The following ASPH variants were observed in gnomAD, a reference collection of about 807,000 sequenced individuals.
ASPH encodes the protein aspartate beta-hydroxylase.
In ASPH, 100 loss-of-function variants were observed where a neutral mutation model predicts 118.4. That is an observed-to-expected ratio of 0.84 (90% CI 0.72 to 1.00). The LOEUF is 1.00. ASPH is among the 50% of genes least tolerant of loss of function. The probability of loss-of-function intolerance (pLI) is 0.00; values close to 1 mark genes in which losing one functional copy is unlikely to be tolerated. For missense variants in ASPH, 920 were observed against 919.5 expected (o/e 1.00, Z -0.01); for synonymous variants, 315 against 325.6 (o/e 0.97, Z 0.35).
At chr8:61,511,870 C>G (rs1335047380) in intron 24 of ASPH, among the ~76,000 whole-genome samples, 1 of 152,152 alleles carries the variant, frequency 6.6e-6, no homozygotes, top group African/African-American at 2.4e-5. Flanking sequence ...TCCCAAAGTA[C>G]TGGGATTACA....
intron 3 of ASPH, chr8:61,663,141 T>G: frequency 1.0e-6 from 1 of 985,404 alleles, no homozygotes; most frequent in Non-Finnish European, 1.2e-6. Flanking sequence ...TTGAGAATCG[T>G]GTAACTTTCA....
At chr8:61,691,982 T>G (rs910992457) in intron 1 of ASPH, among the ~76,000 whole-genome samples, 1 of 152,208 alleles carries the variant, frequency 6.6e-6, no homozygotes, top group Non-Finnish European at 1.5e-5. Flanking sequence ...TGTCTACAGC[T>G]AAACGTCAAA....
At chr8:61,635,344 C>G (rs1213113008) in intron 12 of ASPH, among the ~76,000 whole-genome samples, 1 of 152,140 alleles carries the variant, frequency 6.6e-6, no homozygotes, top group Non-Finnish European at 1.5e-5. Context: ...TCTCCACTTG[C>G]TTCCAAAATG....
intron 3 of ASPH, chr8:61,656,258 T>G (rs1813625873): frequency 6.6e-6 from 1 of 152,194 alleles, no homozygotes; most frequent in African/African-American, 2.4e-5. Flanking sequence ...GTTACCAAAC[T>G]GCCAGCTTAT....
intron 16 of ASPH, among the ~76,000 whole-genome samples, chr8:61,571,327 T>A (rs1344263062): frequency 1.3e-5 from 2 of 152,200 alleles, no homozygotes; most frequent in Non-Finnish European, 2.9e-5. Context: ...CATCCTTAGT[T>A]ATATACTGGA....
At chr8:61,511,549 G>A (rs1341984111) in intron 24 of ASPH, among the ~76,000 whole-genome samples, 1 of 152,140 alleles carries the variant, frequency 6.6e-6, no homozygotes, top group Non-Finnish European at 1.5e-5. Context: ...ACTTGCTGGG[G>A]ACATGTTTAT....
At chr8:61,675,523 G>C in intron 3 of ASPH, 4 of 980,864 alleles carry the variant, frequency 4.1e-6, no homozygotes, top group Non-Finnish European at 4.8e-6. Context: ...ATTTTACATA[G>C]AAATTTGTAT....
chr8:61,665,373 TTGA>T, intron 3 of ASPH: 2 of 1,613,858 alleles, frequency 1.2e-6, no homozygotes, highest in Non-Finnish European at 1.7e-6. Context: ...TTCATATTTG[TTGA>T]TTTTTTCCTA....
chr8:61,537,350 G>T (rs1820012499), intron 21 of ASPH, among the ~76,000 whole-genome samples: 1 of 152,144 alleles, frequency 6.6e-6, no homozygotes, highest in Non-Finnish European at 1.5e-5. Flanking sequence ...TAAACAAATT[G>T]CCTATAATGT....
chr8:61,627,516 A>G (rs1322680403), intron 13 of ASPH, among the ~76,000 whole-genome samples: 1 of 152,192 alleles, frequency 6.6e-6, no homozygotes, highest in African/African-American at 2.4e-5. Flanking sequence ...GTACGAGTAT[A>G]TATGCATGGA....
chr8:61,549,848 T>C (rs1825262384), intron 20 of ASPH, among the ~76,000 whole-genome samples: 1 of 152,206 alleles, frequency 6.6e-6, no homozygotes, highest in Non-Finnish European at 1.5e-5. Context: ...AAGAAGTTAT[T>C]GTAGAAAAAT....
chr8:61,714,484 G>C lies in ASPH; in HGVS notation c.-113C>G. 7.5e-7 allele frequency: 1 copy of C among 1,334,684 alleles called. No homozygotes were observed. Among genetic ancestry groups the C allele is most frequent in the Non-Finnish European group, 9.6e-7 (1 of 1,037,478 alleles). The allele number at this position is 1,334,684 out of a possible 1,614,324, so 82.7% of individuals were successfully genotyped here. Reference sequence around the variant, plus strand: ...CGGGCCGCTGGAGCGGGTTCGGGCCGCTGCTCCTGCAGCAGACCCTGTGCC... The same window carrying C: ...CGGGCCGCTGGAGCGGGTTCGGGCCCCTGCTCCTGCAGCAGACCCTGTGCC... On this transcript the variant is annotated 5_prime_UTR_variant, in exon 1 of 25. Transcript: ENST00000379454.
intron 14 of ASPH, among the ~76,000 whole-genome samples, chr8:61,618,197 A>G (rs1849689121): frequency 6.6e-6 from 1 of 152,202 alleles, no homozygotes; most frequent in Non-Finnish European, 1.5e-5. Flanking sequence ...CTCACCAAGT[A>G]TCATTTGCAC....
At chr8:61,603,142 G>A (rs1198943089) in intron 14 of ASPH, among the ~76,000 whole-genome samples, 34 of 132,928 alleles carry the variant, frequency 2.6e-4, no homozygotes, top group African/African-American at 8.9e-4. Flanking sequence ...GCAGTGAGCC[G>A]AGATCGCACC....
intron 19 of ASPH, 104 bp downstream of exon 19, chr8:61,555,820 A>T (rs2131245065): frequency 1.0e-6 from 1 of 972,040 alleles, no homozygotes; most frequent in Non-Finnish European, 1.5e-6. Context: ...GAGGATGAAA[A>T]TACTCAGCAG....
chr8:61,537,660 CATCT>C lies in ASPH; in HGVS notation c.1764+10407_1764+10410del, dbSNP rs1820139833. On this transcript the variant is annotated intron_variant, in intron 21 of 24. Coordinates refer to ENST00000379454, the MANE Select transcript of ASPH (RefSeq NM_004318.4). ...CCAAAGGGCATATGCATATTTAAGA[CATCT>C]ATCTGTGTAGCATATTGAGACAAAT... Among the ~76,000 whole-genome samples, 3 of 152,134 alleles carry C rather than the reference CATCT, an allele frequency of 2.0e-5. No homozygotes were observed. In the South Asian group the frequency reaches 6.2e-4, roughly 32 times the overall value.
intron 15 of ASPH, chr8:61,579,195 G>T: frequency 3.7e-6 from 6 of 1,613,048 alleles, no homozygotes; most frequent in Non-Finnish European, 4.2e-6. Context: ...GGGCCTCAAA[G>T]GCCAGAGGGC....
chr8:61,629,509 C>A (rs1292392845), intron 13 of ASPH, among the ~76,000 whole-genome samples: 1 of 152,162 alleles, frequency 6.6e-6, no homozygotes, highest in Non-Finnish European at 1.5e-5. Context: ...TCTTAAAAAT[C>A]TAATATCCAA....
At chr8:61,676,427 G>A (rs1053096472) in intron 3 of ASPH, 4 of 1,007,090 alleles carry the variant, frequency 4.0e-6, no homozygotes, top group Admixed American at 2.9e-5. Flanking sequence ...AGGTCAGAGA[G>A]GTTTACAGAA....
Sources: allele counts gnomAD v4.1 joint callset (sites outside exome capture counted in the v4.1 genomes callset), GRCh38; gene constraint gnomAD v4.1.1; transcripts MANE v1.5; gene names NCBI Gene and HGNC (gene_info 2026-07-23, HGNC 2026-07-21).